Variants in BZW2 observed in about 807,000 individuals in gnomAD.
BZW2 encodes the protein eIF5-mimic protein 1.
BZW2 carries 23 observed loss-of-function variants against 53.2 expected under a neutral mutation model. That is an observed-to-expected ratio of 0.43 (90% confidence interval 0.31 to 0.61). BZW2 has a LOEUF of 0.61. BZW2 is among the 20% of genes least tolerant of loss of function. The probability of loss-of-function intolerance (pLI) is 0.09; values close to 1 mark genes in which losing one functional copy is unlikely to be tolerated. For synonymous variants in BZW2, 227 were observed against 186.4 expected (o/e 1.22, Z -1.77); for missense variants, 409 against 503.1 (o/e 0.81, Z 1.79).
At chr7:16,681,630 T>C (rs1217575570) in intron 4 of BZW2, among the ~76,000 whole-genome samples, 1 of 152,028 alleles carries the variant, frequency 6.6e-6, no homozygotes, top group African/African-American at 2.4e-5. Flanking sequence ...CAGGAGTTTG[T>C]GACCAGCCTG....
intron 6 of BZW2, among the ~76,000 whole-genome samples, chr7:16,689,047 G>A (rs371532559): frequency 2.0e-5 from 3 of 152,052 alleles, no homozygotes; most frequent in African/African-American, 4.8e-5. Flanking sequence ...CCAACATGGC[G>A]AAACCCTGTC....
At chr7:16,656,074 CAT>C (rs762408525) in intron 1 of BZW2, among the ~76,000 whole-genome samples, 24 of 149,528 alleles carry the variant, frequency 1.6e-4, no homozygotes, top group Non-Finnish European at 2.8e-4. Context: ...TCTCAATAGT[CAT>C]ATATATGTGT....
At chr7:16,665,610 T>C in intron 2 of BZW2, 109 bp downstream of exon 2, 2 of 1,519,034 alleles carry the variant, frequency 1.3e-6, no homozygotes, top group Non-Finnish European at 8.9e-7. Context: ...ATTCTACTCA[T>C]TTGAGCTCTG....
chr7:16,654,511 C>G (rs146961377), intron 1 of BZW2, among the ~76,000 whole-genome samples: 2 of 18,816 alleles, frequency 1.1e-4, no homozygotes, highest in African/African-American at 7.4e-4. Context: ...TGTATATAAC[C>G]CCCCCCCCCC....
chr7:16,684,908 T>G (rs776845496), intron 5 of BZW2, among the ~76,000 whole-genome samples: 66 of 152,244 alleles, frequency 4.3e-4, no homozygotes, highest in Middle Eastern at 3.2e-3. Context: ...TAATATTTTC[T>G]TATCCCCTAC....
intron 5 of BZW2, among the ~76,000 whole-genome samples, chr7:16,685,259 C>T (rs1255511737): frequency 1.3e-5 from 2 of 152,138 alleles, no homozygotes; most frequent in Non-Finnish European, 2.9e-5. Flanking sequence ...TTCCCTGCCT[C>T]TGGGGCAAGA....
At chr7:16,693,542 T>C (rs10499473) in intron 7 of BZW2, among the ~76,000 whole-genome samples, 13,712 of 152,186 alleles carry the variant, frequency 0.09, 1,695 homozygotes, top group African/African-American at 0.28. Flanking sequence ...ATATTTTTGG[T>C]GGCATAAATT....
intron 1 of BZW2, among the ~76,000 whole-genome samples, chr7:16,660,991 C>G (rs772364706): frequency 4.6e-5 from 7 of 152,154 alleles, no homozygotes; most frequent in African/African-American, 1.4e-4. Flanking sequence ...GAACAGAAAC[C>G]TTATATCCCT....
chr7:16,664,135 C>G (rs1782349673), intron 1 of BZW2, among the ~76,000 whole-genome samples: 1 of 151,932 alleles, frequency 6.6e-6, no homozygotes, highest in Non-Finnish European at 1.5e-5. Context: ...CCATAACAGT[C>G]CAGCAACTTA....
chr7:16,654,205 G>T (rs987503104), intron 1 of BZW2, among the ~76,000 whole-genome samples: 1 of 151,626 alleles, frequency 6.6e-6, no homozygotes, highest in African/African-American at 2.4e-5. Context: ...ACTCCAGCCT[G>T]GGTGACAGAG....
chr7:16,674,691 A>T, intron 3 of BZW2, 103 bp downstream of exon 3: 1 of 1,038,592 alleles, frequency 9.6e-7, no homozygotes. Context: ...TGTTTATTAG[A>T]GTTAATAAAA....
At chr7:16,648,707 A>T (rs921094608) in intron 1 of BZW2, among the ~76,000 whole-genome samples, 13 of 152,162 alleles carry the variant, frequency 8.5e-5, no homozygotes, top group African/African-American at 2.6e-4. Context: ...GCCCTCCCAC[A>T]CACTGGGCTC....
intron 6 of BZW2, among the ~76,000 whole-genome samples, chr7:16,689,261 CT>C (rs1266057035): frequency 6.6e-6 from 1 of 152,068 alleles, no homozygotes; most frequent in Non-Finnish European, 1.5e-5. Flanking sequence ...AAATAAAATG[CT>C]TTTTATAAAA....
chr7:16,669,818 C>T (rs1319153428), intron 2 of BZW2, among the ~76,000 whole-genome samples: 2 of 152,194 alleles, frequency 1.3e-5, no homozygotes, highest in African/African-American at 4.8e-5. Flanking sequence ...TTCACCAGCA[C>T]AGTTTAAATT....
At chr7:16,666,257 G>A (rs1338213301) in intron 2 of BZW2, among the ~76,000 whole-genome samples, 1 of 151,798 alleles carries the variant, frequency 6.6e-6, no homozygotes, top group African/African-American at 2.4e-5. Context: ...ACCACACCTG[G>A]CTACGTTTTA....
intron 1 of BZW2, among the ~76,000 whole-genome samples, chr7:16,655,236 A>T (rs1782093678): frequency 1.3e-5 from 2 of 152,252 alleles, no homozygotes; most frequent in African/African-American, 4.8e-5. Flanking sequence ...TTCTAAAAAA[A>T]GTTTCATAAA....
Position 16,668,430 on chromosome 7 carries a change from A to G in BZW2, c.58+2929A>G, listed in dbSNP as rs543624282. Among the ~76,000 whole-genome samples the G allele has an allele frequency of 2.0e-5, 3 of 152,298 alleles. No homozygotes were observed. In the South Asian group the frequency reaches 6.2e-4, roughly 32 times the overall value. ...CAGTTGATCTAGATTCATATAACTCATATCTCTTGGGGATTGAAGCAACAC... is the reference window on the plus strand; with the variant it reads ...CAGTTGATCTAGATTCATATAACTCGTATCTCTTGGGGATTGAAGCAACAC... On this transcript the variant is annotated intron_variant, in intron 2 of 11. Coordinates refer to ENST00000258761, the MANE Select transcript of BZW2 (RefSeq NM_014038.3).
chr7:16,700,170 A>G (rs1783622853), intron 10 of BZW2, among the ~76,000 whole-genome samples: 1 of 152,224 alleles, frequency 6.6e-6, no homozygotes, highest in Non-Finnish European at 1.5e-5. Context: ...AACATTTTCA[A>G]TACCATTTTC....
In BZW2 at chr7:16,690,672, C is replaced by A. The variant is rs1453915982; in HGVS notation, c.651+766C>A. On this transcript the variant is annotated intron_variant, in intron 7 of 11. Transcript: ENST00000258761. ...CAAAATAAAAGTTTAAACAAGATTT[C>A]CCTGGAAATACTTAAGCTGTTGCAG... Among the ~76,000 whole-genome samples the A allele has an allele frequency of 2.0e-5, 3 of 152,114 alleles. No homozygotes were observed. In the East Asian group the frequency reaches 5.8e-4, roughly 29 times the overall value.
Sources: allele counts gnomAD v4.1 joint callset (sites outside exome capture counted in the v4.1 genomes callset), GRCh38; gene constraint gnomAD v4.1.1; transcripts MANE v1.5; gene names NCBI Gene and HGNC (gene_info 2026-07-23, HGNC 2026-07-21).